DNAI2: variants seen among roughly 807,000 people sequenced by gnomAD.
The protein encoded by DNAI2 is dynein axonemal intermediate chain 2.
DNAI2 carries 63 observed loss-of-function variants against 74.7 expected under a neutral mutation model. The ratio of observed to expected loss-of-function variants is 0.84; its 90% CI spans 0.69 to 1.04. The LOEUF (loss-of-function observed/expected upper bound fraction) is 1.04, where lower values mean the gene tolerates loss of function less well. Among genes scored for constraint, DNAI2 ranks in the 50% least tolerant of loss-of-function variants. The pLI is 0.00. For missense variants in DNAI2, 688 were observed against 803.2 expected (o/e 0.86, Z 1.73); for synonymous variants, 289 against 314.9 (o/e 0.92, Z 0.87).
chr17:74,299,420 G>A (rs964546393), intron 6 of DNAI2, among the ~76,000 whole-genome samples: 3 of 152,050 alleles, frequency 2.0e-5, no homozygotes, highest in Admixed American at 2.0e-4. Flanking sequence ...ACCCTCATGT[G>A]TTCCCCTGCC....
Position 74,289,721 on chromosome 17 carries a change from T to C in DNAI2, c.595T>C (p.Tyr199His), listed in dbSNP as rs754419439. ...RAPVGMSSDS[Y>H]IWDLENPNKP... ...ACCTGTGGGCATGAGCAGCGATTCA[T>C]ACATCTGGGACCTGGGTGAGAAGCA... Residue 199 changes from tyrosine (Y) to histidine (H), a missense_variant, in exon 5 of 14, where the codon TAC becomes CAC. Transcript: ENST00000311014. The C allele has an allele frequency of 1.2e-6, 2 of 1,613,918 alleles. No homozygotes were observed. The highest frequency in any genetic ancestry group is 1.7e-6 in the Non-Finnish European group (2 of 1,179,984).
At chr17:74,295,646 AT>A (rs60402619) in intron 6 of DNAI2, among the ~76,000 whole-genome samples, 83,577 of 151,122 alleles carry the variant, frequency 0.55, 24,927 homozygotes, top group Non-Finnish European at 0.7. Flanking sequence ...ATGTCTTATA[AT>A]TTTTTTTTTA....
In DNAI2 at chr17:74,274,255, C is replaced by T. The variant is rs370544004; in HGVS notation, c.-102C>T. On this transcript the variant is annotated 5_prime_UTR_variant, in exon 1 of 14. Transcript: ENST00000311014. ...AGCCAGGCCGGGGTTGCCAAGCAACCGGTAAACGCCGCCGTTTGAGGAGCA... is the reference window on the plus strand; with the variant it reads ...AGCCAGGCCGGGGTTGCCAAGCAACTGGTAAACGCCGCCGTTTGAGGAGCA... 1.0e-4 allele frequency: 15 copies of T among 149,928 alleles called. No individual in the cohort carries two copies. The highest frequency in any genetic ancestry group is 7.5e-4 in the Admixed American group (11 of 14,688). The allele number at this position is 149,928 out of a possible 1,614,324, so 9.3% of individuals were successfully genotyped here.
intron 3 of DNAI2, among the ~76,000 whole-genome samples, chr17:74,286,382 T>C (rs959845091): frequency 1.3e-5 from 2 of 151,894 alleles, no homozygotes; most frequent in Non-Finnish European, 2.9e-5. Flanking sequence ...TTCTTCATTA[T>C]TGGCCTTCAT....
At position 74,312,027 on chromosome 17, in the gene DNAI2, G is replaced by A; in HGVS notation, c.1519G>A (p.Glu507Lys). 1 of 1,611,886 alleles carries A rather than the reference G, an allele frequency of 6.2e-7. No homozygotes were observed. Among genetic ancestry groups the A allele is most frequent in the Non-Finnish European group, 8.5e-7 (1 of 1,179,728 alleles). ...GATGTTTGAGCGTGAGACCCGGCGA[G>A]AGAAGATCCTGGAGGCCAGGCACCG... Reference protein sequence around the residue: ...SSMFERETRREKILEARHREM... With the variant: ...SSMFERETRRKKILEARHREM... The change falls in exon 12 of 14, where the codon GAG becomes AAG. Residue 507 changes from glutamate (E) to lysine (K), a missense_variant. By Grantham distance (56) the Glu-to-Lys change is moderately conservative. Coordinates refer to ENST00000311014, the MANE Select transcript of DNAI2 (RefSeq NM_023036.6).
At chr17:74,305,186 G>T (rs753203086) in intron 8 of DNAI2, 33 bp from the exon 9 acceptor site, 11 of 1,609,450 alleles carry the variant, frequency 6.8e-6, no homozygotes, top group Admixed American at 6.7e-5. Flanking sequence ...ATGGTTCGTG[G>T]AGTCTTCCCC....
chr17:74,281,551 C>T (rs2051385935), intron 1 of DNAI2: 11 of 587,382 alleles, frequency 1.9e-5, no homozygotes, highest in Middle Eastern at 4.5e-4. Context: ...AGCTACCGCG[C>T]CTGGCCAAAA....
chr17:74,302,517 A>G (rs148518996), intron 8 of DNAI2, among the ~76,000 whole-genome samples: 4 of 152,284 alleles, frequency 2.6e-5, no homozygotes, highest in East Asian at 3.9e-4. Flanking sequence ...CGGTGAGCCA[A>G]GATCGCATCA....
chr17:74,304,863 G>A (rs2053088934), intron 8 of DNAI2, among the ~76,000 whole-genome samples: 1 of 152,174 alleles, frequency 6.6e-6, no homozygotes, highest in Non-Finnish European at 1.5e-5. Flanking sequence ...TCCCCTCCCT[G>A]GGTCTTCTTT....
intron 4 of DNAI2, among the ~76,000 whole-genome samples, chr17:74,288,838 G>A (rs1052273353): frequency 6.6e-6 from 1 of 152,178 alleles, no homozygotes; most frequent in African/African-American, 2.4e-5. Flanking sequence ...GAGTGGAGAT[G>A]AGCAGGAGGC....
At chr17:74,305,874 G>A (rs570215992) in intron 9 of DNAI2, among the ~76,000 whole-genome samples, 19 of 152,086 alleles carry the variant, frequency 1.2e-4, no homozygotes, top group South Asian at 4.2e-4. Flanking sequence ...ATTTTGCCAC[G>A]TTGGCCAGGC....
chr17:74,281,668 A>G lies in DNAI2; in HGVS notation c.-11-139A>G, dbSNP rs951631744. 9.1e-6 allele frequency: 7 copies of G among 767,140 alleles called. No homozygotes were observed. The South Asian group carries it at 1.1e-4, about 13-fold the overall frequency. 47.5% of individuals were successfully genotyped at this position (767,140 alleles called of 1,614,324 possible). Reference sequence around the variant, plus strand: ...TTTAATGCGGATGCAGCTTCTGGACAAATTCCTAGGATCTCCCCACCACCC... The same window carrying G: ...TTTAATGCGGATGCAGCTTCTGGACGAATTCCTAGGATCTCCCCACCACCC... On this transcript the variant is annotated intron_variant, in intron 1 of 13. Coordinates refer to ENST00000311014, the MANE Select transcript of DNAI2 (RefSeq NM_023036.6).
intron 8 of DNAI2, among the ~76,000 whole-genome samples, chr17:74,302,451 C>A: frequency 6.6e-6 from 1 of 152,132 alleles, no homozygotes; most frequent in Non-Finnish European, 1.5e-5. Context: ...CCTGTAATCC[C>A]AGCTACTCGG....
At chr17:74,295,539 T>C (rs1052393167) in intron 6 of DNAI2, among the ~76,000 whole-genome samples, 2 of 152,242 alleles carry the variant, frequency 1.3e-5, no homozygotes, top group African/African-American at 4.8e-5. Flanking sequence ...ATGTGAGGCC[T>C]TTGTCTAGTT....
chr17:74,306,085 C>T (rs1249334391), intron 9 of DNAI2, among the ~76,000 whole-genome samples: 1 of 152,236 alleles, frequency 6.6e-6, no homozygotes, highest in African/African-American at 2.4e-5. Context: ...GCCACTTGCT[C>T]CTGCTCTCCC....
intron 6 of DNAI2, among the ~76,000 whole-genome samples, chr17:74,291,867 AT>A (rs36055191): frequency 2.2e-3 from 313 of 144,958 alleles, no homozygotes; most frequent in East Asian, 0.011. Flanking sequence ...ATTGATATTA[AT>A]TTTTTTTTTT....
chr17:74,297,205 C>T (rs1296438030), intron 6 of DNAI2, among the ~76,000 whole-genome samples: 2 of 152,072 alleles, frequency 1.3e-5, no homozygotes, highest in South Asian at 2.1e-4. Flanking sequence ...CCTGCCTCAG[C>T]CTCCCGAGTA....
intron 1 of DNAI2, among the ~76,000 whole-genome samples, chr17:74,275,437 G>T (rs557561638): frequency 6.6e-6 from 1 of 152,118 alleles, no homozygotes; most frequent in Non-Finnish European, 1.5e-5. Flanking sequence ...ATAAGAAAGA[G>T]AAAGAAAGCT....
intron 1 of DNAI2, among the ~76,000 whole-genome samples, chr17:74,281,086 C>CAAA (rs60399157): frequency 0.18 from 10,660 of 58,656 alleles, 907 homozygotes; most frequent in African/African-American, 0.23. Context: ...GCCTTTGTCT[C>CAAA]AAAAAAAAAA....
Sources: allele counts gnomAD v4.1 joint callset (sites outside exome capture counted in the v4.1 genomes callset), GRCh38; gene constraint gnomAD v4.1.1; transcripts MANE v1.5; gene names NCBI Gene and HGNC (gene_info 2026-07-23, HGNC 2026-07-21).